The following RNF216 variants were observed in gnomAD, a reference collection of about 807,000 sequenced individuals.
RNF216 encodes E3 ubiquitin-protein ligase RNF216.
RNF216 carries 72 observed loss-of-function variants against 110.8 expected under a neutral mutation model. The ratio of observed to expected loss-of-function variants is 0.65; its 90% CI spans 0.54 to 0.79. The LOEUF (loss-of-function observed/expected upper bound fraction) is 0.79. RNF216 is among the 30% of genes least tolerant of loss of function. The pLI is 0.00. For synonymous variants in RNF216, 495 were observed against 407.5 expected (o/e 1.21, Z -2.59); for missense variants, 1,342 against 1,141.2 (o/e 1.18, Z -2.54).
chr7:5,730,753 G>C lies in RNF216; in HGVS notation c.1186C>G (p.Pro396Ala). ...PKREDRIIIN[P>A]SSSLLASQDE... Reference sequence around the variant, plus strand: ...TGGCTGGCCAGCAGACTGCTACTGGGATTTATAATGATTCTGTCTTCTCTC... The same window carrying C: ...TGGCTGGCCAGCAGACTGCTACTGGCATTTATAATGATTCTGTCTTCTCTC... The change falls in exon 6 of 17, where the codon CCC (proline) becomes GCC (alanine). Residue 396 changes from proline (P) to alanine (A), a missense_variant. Coordinates refer to ENST00000389902, the MANE Select transcript of RNF216 (RefSeq NM_207111.4). 6.2e-7 allele frequency: 1 copy of C among 1,610,964 alleles called. No homozygotes were observed. The highest frequency in any genetic ancestry group is 1.1e-5 in the South Asian group (1 of 90,890).
chr7:5,746,431 T>C (rs765615109), intron 3 of RNF216, among the ~76,000 whole-genome samples: 1 of 152,216 alleles, frequency 6.6e-6, no homozygotes, highest in Non-Finnish European at 1.5e-5. Context: ...CATTTGCTGC[T>C]AGCATACAGG....
intron 1 of RNF216, among the ~76,000 whole-genome samples, chr7:5,763,995 C>G (rs1161775754): frequency 6.6e-6 from 1 of 152,080 alleles, no homozygotes; most frequent in East Asian, 1.9e-4. Context: ...TTGAGACCAG[C>G]CTGGCCAACA....
chr7:5,774,504 A>C (rs1796669299), intron 1 of RNF216, among the ~76,000 whole-genome samples: 1 of 152,242 alleles, frequency 6.6e-6, no homozygotes, highest in African/African-American at 2.4e-5. Flanking sequence ...AATTACATGA[A>C]GTTTTAGCAC....
At chr7:5,757,473 A>T (rs895280691) in intron 2 of RNF216, among the ~76,000 whole-genome samples, 1 of 151,984 alleles carries the variant, frequency 6.6e-6, no homozygotes, top group Non-Finnish European at 1.5e-5. Context: ...AAATTTTTTT[A>T]AATCTTTATT....
At chr7:5,778,716 A>G (rs1433011283) in intron 1 of RNF216, among the ~76,000 whole-genome samples, 1 of 151,698 alleles carries the variant, frequency 6.6e-6, no homozygotes. Context: ...GGGACTAGAT[A>G]TTTTTCAGCA....
chr7:5,661,998 G>A (rs1278139109), intron 13 of RNF216, among the ~76,000 whole-genome samples: 4 of 152,224 alleles, frequency 2.6e-5, no homozygotes, highest in Non-Finnish European at 5.9e-5. Flanking sequence ...CCAAGGGCAC[G>A]TGGCTATGAG....
At chr7:5,699,368 A>G (rs1263043236) in intron 13 of RNF216, among the ~76,000 whole-genome samples, 1 of 152,248 alleles carries the variant, frequency 6.6e-6, no homozygotes, top group Non-Finnish European at 1.5e-5. Context: ...GCTGTCACTT[A>G]CTAGCTGTGT....
rs1282551868 is a variant in RNF216, at chr7:5,778,037, G to T, written c.-70+3504C>A. On this transcript the variant is annotated intron_variant, in intron 1 of 16. Coordinates refer to ENST00000389902, the MANE Select transcript of RNF216 (RefSeq NM_207111.4). ...GGACATGCTTCTGCTTCTAGCCCAAGTACTGCCTTGCAGGCTCCATCCCTT... is the reference window on the plus strand; with the variant it reads ...GGACATGCTTCTGCTTCTAGCCCAATTACTGCCTTGCAGGCTCCATCCCTT... 4.6e-5 allele frequency among the ~76,000 whole-genome samples: 7 copies of T among 152,314 alleles called. No individual in the cohort carries two copies. The East Asian group carries it at 1.2e-3, about 25-fold the overall frequency.
At chr7:5,684,705 A>AG (rs1790869045) in intron 13 of RNF216, among the ~76,000 whole-genome samples, 1 of 152,214 alleles carries the variant, frequency 6.6e-6, no homozygotes, top group African/African-American at 2.4e-5. Context: ...ACAACACCCT[A>AG]GCAGCAATTC....
chr7:5,774,792 C>A (rs1176475857), intron 1 of RNF216, among the ~76,000 whole-genome samples: 1 of 150,788 alleles, frequency 6.6e-6, no homozygotes, highest in Non-Finnish European at 1.5e-5. Context: ...AAGTTTTGCT[C>A]TTGTTGCCCA....
At chr7:5,640,047 C>A (rs544669168) in intron 15 of RNF216, among the ~76,000 whole-genome samples, 4 of 151,824 alleles carry the variant, frequency 2.6e-5, no homozygotes, top group African/African-American at 9.7e-5. Flanking sequence ...GCGTGAGCCA[C>A]CGCGCCCGGC....
intron 2 of RNF216, among the ~76,000 whole-genome samples, chr7:5,758,219 T>C (rs976278156): frequency 1.3e-5 from 2 of 152,116 alleles, no homozygotes; most frequent in African/African-American, 4.8e-5. Context: ...GTACAGAAAA[T>C]TTTGAAATGA....
chr7:5,700,140 C>A (rs958079549), intron 13 of RNF216, among the ~76,000 whole-genome samples: 5 of 152,108 alleles, frequency 3.3e-5, no homozygotes, highest in African/African-American at 1.2e-4. Flanking sequence ...GCGGTATTAC[C>A]ATAGCAACAA....
At chr7:5,740,870 A>T in intron 4 of RNF216, 103 bp downstream of exon 4, 2 of 1,053,582 alleles carry the variant, frequency 1.9e-6, no homozygotes, top group South Asian at 1.7e-5. Context: ...TAGGAAAATG[A>T]AGTCCACGCA....
intron 9 of RNF216, among the ~76,000 whole-genome samples, chr7:5,720,545 G>A (rs947904535): frequency 6.6e-6 from 1 of 152,032 alleles, no homozygotes; most frequent in African/African-American, 2.4e-5. Context: ...AGCTGCACAG[G>A]GGGAAGCACT....
chr7:5,654,485 G>A (rs1242310418), intron 13 of RNF216, among the ~76,000 whole-genome samples: 4 of 151,706 alleles, frequency 2.6e-5, no homozygotes, highest in African/African-American at 7.3e-5. Context: ...TCAGAAGTTC[G>A]AGACCAGCCT....
intron 13 of RNF216, among the ~76,000 whole-genome samples, chr7:5,664,753 C>T (rs905493843): frequency 3.3e-5 from 5 of 152,234 alleles, no homozygotes; most frequent in Non-Finnish European, 7.3e-5. Context: ...ACAAGATAAT[C>T]CAAACTGCCT....
In RNF216 at chr7:5,725,403, C is replaced by T. The variant is rs77500990; in HGVS notation, c.1425G>A (p.Leu475=). ...TCCTTTTTCCACTGGTTTCTGGTGA[C>T]AGCTCCTGCCATTTTTTAATGGCAT... is the stretch of plus-strand genomic sequence containing the variant. ...LSDAIKKWQE[L]SPETSGKRKK... The change falls in exon 8 of 17, where the codon CTG becomes CTA. Residue 475 remains leucine, a synonymous_variant. Coordinates refer to ENST00000389902, the MANE Select transcript of RNF216 (RefSeq NM_207111.4). 9.6e-4 allele frequency: 1,543 copies of T among 1,613,474 alleles called. 7 individuals are homozygous for T. In the African/African-American group the frequency reaches 0.014, roughly 14 times the overall value.
chr7:5,759,009 G>A (rs1389694837), intron 2 of RNF216, among the ~76,000 whole-genome samples: 1 of 152,140 alleles, frequency 6.6e-6, no homozygotes, highest in Non-Finnish European at 1.5e-5. Context: ...CCTGGTGGGA[G>A]GTAATTGGAT....
Sources: allele counts gnomAD v4.1 joint callset (sites outside exome capture counted in the v4.1 genomes callset), GRCh38; gene constraint gnomAD v4.1.1; transcripts MANE v1.5; gene names NCBI Gene and HGNC (gene_info 2026-07-23, HGNC 2026-07-21).